The following CBLB variants were observed in gnomAD, a reference collection of about 807,000 sequenced individuals.
CBLB encodes Cbl proto-oncogene B, also known as E3 ubiquitin-protein ligase CBL-B.
In CBLB, 31 loss-of-function variants were observed where a neutral mutation model predicts 104.9. That is an observed-to-expected ratio of 0.30 (90% CI 0.22 to 0.40). The LOEUF (loss-of-function observed/expected upper bound fraction) is 0.40. Among genes scored for constraint, CBLB ranks in the 10% least tolerant of loss-of-function variants. The pLI is 1.00. For missense variants in CBLB, 1,062 were observed against 1,214.6 expected (o/e 0.87, Z 1.87); for synonymous variants, 440 against 422.6 (o/e 1.04, Z -0.51).
At chr3:105,835,946 G>C (rs1279557000) in intron 3 of CBLB, among the ~76,000 whole-genome samples, 1 of 152,188 alleles carries the variant, frequency 6.6e-6, no homozygotes, top group Non-Finnish European at 1.5e-5. Context: ...ACATACAGTA[G>C]AGGAAGTAAA....
At chr3:105,692,184 AT>A in intron 13 of CBLB, among the ~76,000 whole-genome samples, 1 of 152,208 alleles carries the variant, frequency 6.6e-6, no homozygotes, top group East Asian at 1.9e-4. Flanking sequence ...AGCAGATAAA[AT>A]TTAAATCAAT....
intron 8 of CBLB, among the ~76,000 whole-genome samples, chr3:105,735,197 A>G (rs935236947): frequency 2.0e-5 from 3 of 152,232 alleles, no homozygotes; most frequent in Non-Finnish European, 4.4e-5. Context: ...ACATACATGG[A>G]TACATATGCA....
At chr3:105,671,159 T>C in intron 17 of CBLB, 1 of 194,398 alleles carries the variant, frequency 5.1e-6, no homozygotes, top group Non-Finnish European at 1.1e-5. Flanking sequence ...TGGTTTAACA[T>C]TCATAGTATT....
chr3:105,837,463 T>C (rs190050360), intron 3 of CBLB, among the ~76,000 whole-genome samples: 30 of 152,328 alleles, frequency 2.0e-4, no homozygotes, highest in Admixed American at 2.0e-3. Flanking sequence ...AAAACACTCA[T>C]TGGAGCTCAG....
In CBLB at chr3:105,703,979, T is replaced by G. The variant is rs112690512; in HGVS notation, c.1593+9A>C. ...ATTTTCATCTGTGTTTCTAATAAAA[T>G]TGATCTACCTTTGGTGAACCCGTTG... On this transcript the variant is annotated intron_variant, in intron 11 of 18. Coordinates refer to ENST00000394030, the MANE Select transcript of CBLB (RefSeq NM_170662.5). The G allele has an allele frequency of 6.2e-7, 1 of 1,612,314 alleles. No homozygotes were observed. Among genetic ancestry groups the G allele is most frequent in the Non-Finnish European group, 8.5e-7 (1 of 1,178,300 alleles).
intron 17 of CBLB, among the ~76,000 whole-genome samples, chr3:105,677,185 G>C (rs1016313939): frequency 6.6e-6 from 1 of 151,838 alleles, no homozygotes; most frequent in African/African-American, 2.4e-5. Flanking sequence ...ATCACAAATG[G>C]GTAAACAGTG....
intron 3 of CBLB, among the ~76,000 whole-genome samples, chr3:105,806,597 T>A (rs1004684900): frequency 6.6e-6 from 1 of 151,324 alleles, no homozygotes; most frequent in Non-Finnish European, 1.5e-5. Context: ...CTTTGCCAAA[T>A]AGCTGGCTGA....
chr3:105,854,152 G>C (rs763878964), intron 2 of CBLB, among the ~76,000 whole-genome samples: 5 of 152,152 alleles, frequency 3.3e-5, no homozygotes, highest in Non-Finnish European at 7.4e-5. Flanking sequence ...GGTGCAATTT[G>C]AATAACTGAG....
At chr3:105,665,168 T>C (rs1018904674) in intron 18 of CBLB, among the ~76,000 whole-genome samples, 2 of 151,912 alleles carry the variant, frequency 1.3e-5, no homozygotes, top group African/African-American at 4.8e-5. Flanking sequence ...TTTGAGAGGC[T>C]GAGGCAGGTG....
chr3:105,799,176 AC>A (rs769601311), intron 3 of CBLB, among the ~76,000 whole-genome samples: 9 of 142,170 alleles, frequency 6.3e-5, no homozygotes, highest in African/African-American at 1.6e-4. Flanking sequence ...ATGACAAAGA[AC>A]AAAAAAAAAA....
Position 105,658,564 on chromosome 3 carries a change from A to G in CBLB, c.*406T>C, listed in dbSNP as rs1002155123. ...CAAGAGAGTTGGTGGGAAATGTTAC[A>G]GCAGACCTGACCACGCTACAAAGGG... On this transcript the variant is annotated 3_prime_UTR_variant, in exon 19 of 19. Coordinates refer to ENST00000394030, the MANE Select transcript of CBLB (RefSeq NM_170662.5). 1.8e-5 allele frequency: 5 copies of G among 272,390 alleles called. No homozygotes were observed. The highest frequency in any genetic ancestry group is 1.1e-4 in the African/African-American group (5 of 46,552). The allele number at this position is 272,390 out of a possible 1,614,324, so 16.9% of individuals were successfully genotyped here.
chr3:105,734,989 G>A (rs1461569869), intron 8 of CBLB, among the ~76,000 whole-genome samples: 2 of 151,988 alleles, frequency 1.3e-5, no homozygotes, highest in East Asian at 3.8e-4. Flanking sequence ...AAATAAATTG[G>A]TAAATAATGA....
intron 17 of CBLB, among the ~76,000 whole-genome samples, chr3:105,677,649 A>T (rs2065815848): frequency 6.6e-6 from 1 of 151,880 alleles, no homozygotes. Flanking sequence ...GTTAATTAGT[A>T]TCAGCAGATT....
intron 3 of CBLB, among the ~76,000 whole-genome samples, chr3:105,803,069 C>A (rs2153021512): frequency 6.6e-6 from 1 of 152,220 alleles, no homozygotes; most frequent in South Asian, 2.1e-4. Context: ...TTAACAAGTG[C>A]TCATTATAAA....
intron 4 of CBLB, among the ~76,000 whole-genome samples, chr3:105,760,796 T>C (rs1380248254): frequency 3.9e-5 from 6 of 152,216 alleles, no homozygotes; most frequent in Non-Finnish European, 7.3e-5. Flanking sequence ...CATATATTGT[T>C]GTGCATAATT....
At chr3:105,770,784 A>G (rs1307873843) in intron 4 of CBLB, among the ~76,000 whole-genome samples, 2 of 152,168 alleles carry the variant, frequency 1.3e-5, no homozygotes, top group Non-Finnish European at 2.9e-5. Context: ...ACCTGGATCT[A>G]AACCAAGCAT....
intron 3 of CBLB, among the ~76,000 whole-genome samples, chr3:105,811,642 G>A (rs1238945891): frequency 6.6e-6 from 1 of 151,780 alleles, no homozygotes; most frequent in Non-Finnish European, 1.5e-5. Flanking sequence ...AAGAGAGACA[G>A]ACAGATTTCC....
intron 17 of CBLB, chr3:105,671,597 T>C (rs2065065281): frequency 4.8e-6 from 1 of 208,348 alleles, no homozygotes; most frequent in South Asian, 1.9e-4. Flanking sequence ...TAACTTCCAC[T>C]CCCTTAGACA....
intron 10 of CBLB, 73 bp from the exon 11 acceptor site, chr3:105,704,246 T>C (rs559240577): frequency 2.1e-6 from 3 of 1,397,872 alleles, no homozygotes; most frequent in Non-Finnish European, 3.0e-6. Context: ...AAAGAATATA[T>C]TTGGTTGGAA....
Sources: gnomAD v4.1 joint callset for allele counts (sites outside exome capture counted in the v4.1 genomes callset) on GRCh38, gnomAD v4.1.1 for gene constraint, MANE v1.5 for transcripts, NCBI Gene and HGNC (gene_info 2026-07-23, HGNC 2026-07-21) for gene names.